The following ZNF292 variants were observed in gnomAD, a reference collection of about 807,000 sequenced individuals.
ZNF292 encodes the protein zinc finger protein 292.
ZNF292 carries 26 observed loss-of-function variants against 217.9 expected under a neutral mutation model. That is an observed-to-expected ratio of 0.12 (90% CI 0.09 to 0.17). ZNF292 has a LOEUF of 0.17. Among genes scored for constraint, ZNF292 ranks in the 10% least tolerant of loss-of-function variants. ZNF292 has a pLI of 1.00. For synonymous variants in ZNF292, 1,257 were observed against 1,124.1 expected (o/e 1.12, Z -2.37); for missense variants, 2,904 against 3,175.2 (o/e 0.91, Z 2.05).
intron 1 of ZNF292, among the ~76,000 whole-genome samples, chr6:87,194,363 GAAAA>G (rs531134379): frequency 0.031 from 4,722 of 151,526 alleles, 256 homozygotes; most frequent in African/African-American, 0.11. Context: ...TGTAAAATTA[GAAAA>G]AAAAGTTCAA....
chr6:87,209,933 A>G (rs1445230063), intron 1 of ZNF292, among the ~76,000 whole-genome samples: 3 of 152,334 alleles, frequency 2.0e-5, no homozygotes, highest in East Asian at 3.9e-4. Flanking sequence ...CTAGATGTAA[A>G]TTGGAAGTGG....
intron 5 of ZNF292, 133 bp from the exon 6 acceptor site, chr6:87,243,342 C>A: frequency 2.5e-5 from 13 of 527,692 alleles, no homozygotes; most frequent in African/African-American, 6.2e-5. Context: ...TTATAACTGA[C>A]TTGATAGTGT....
rs1772733919 is a variant in ZNF292 at position 87,215,974 on chromosome 6, G to C, written c.240G>C (p.Val80=). The C allele has an allele frequency of 1.3e-6, 2 of 1,592,922 alleles. No individual in the cohort carries two copies. The highest frequency in any genetic ancestry group is 1.7e-6 in the Non-Finnish European group (2 of 1,174,344). The change falls in exon 2 of 8, where the codon GTG becomes GTC. Residue 80 remains valine, a synonymous_variant. Transcript: ENST00000369577. ...DPLPLLEVYT[V]AIQSYVKARP... ...TACCTTTATTGGAGGTATACACAGT[G>C]GCTATCCAAAGTTATGTTAAAGCCC...
intron 4 of ZNF292, among the ~76,000 whole-genome samples, chr6:87,222,347 A>G (rs1773125173): frequency 6.6e-6 from 1 of 152,086 alleles, no homozygotes; most frequent in African/African-American, 2.4e-5. Context: ...TGTTTTATCA[A>G]ATATACCTAT....
At chr6:87,155,939 C>G (rs1311049794) in intron 1 of ZNF292, among the ~76,000 whole-genome samples, 180 bp downstream of exon 1, 1 of 152,200 alleles carries the variant, frequency 6.6e-6, no homozygotes, top group Non-Finnish European at 1.5e-5. Context: ...CGGTTGTTGT[C>G]GTCTGCAGCT....
Position 87,264,830 on chromosome 6 carries a change from TAGAA to T in ZNF292, c.*3033_*3036del, listed in dbSNP as rs1387887559. Among the ~76,000 whole-genome samples the T allele has an allele frequency of 2.6e-5, 4 of 152,332 alleles. No homozygotes were observed. Among genetic ancestry groups the T allele is most frequent in the Admixed American group, 6.5e-5 (1 of 15,298 alleles). On this transcript the variant is annotated 3_prime_UTR_variant, in exon 8 of 8. Coordinates refer to ENST00000369577, the MANE Select transcript of ZNF292 (RefSeq NM_015021.3). The stretch of plus-strand genomic sequence containing the variant: ...TGAACAATTTAATCAGTATCAGTTT[TAGAA>T]AGATAATTGTCATGGTATAGTGGAT...
rs371398641 is a variant in ZNF292, at chr6:87,257,703, T to G, written c.4074T>G (p.Pro1358=). 3.1e-6 allele frequency: 5 copies of G among 1,613,110 alleles called. No individual in the cohort carries two copies. The highest frequency in any genetic ancestry group is 4.2e-6 in the Non-Finnish European group (5 of 1,179,498). Residue 1358 remains proline, a synonymous_variant, in exon 8 of 8, where the codon CCT becomes CCG. Transcript: ENST00000369577. ...GRGPNGKERK[P]KHNKRAKWPA... is the part of the protein sequence containing the mutation. ...GCCCAAATGGGAAGGAAAGAAAACC[T>G]AAGCACAACAAAAGGGCTAAATGGC... is the stretch of plus-strand genomic sequence containing the variant.
chr6:87,248,525 T>A (rs1271536701), intron 7 of ZNF292, among the ~76,000 whole-genome samples: 1 of 152,166 alleles, frequency 6.6e-6, no homozygotes, highest in African/African-American at 2.4e-5. Flanking sequence ...AGAGGATCAC[T>A]TGAGCCCCAG....
At chr6:87,195,719 T>C (rs1483658135) in intron 1 of ZNF292, among the ~76,000 whole-genome samples, 2 of 151,924 alleles carry the variant, frequency 1.3e-5, no homozygotes, top group African/African-American at 4.8e-5. Flanking sequence ...ATCTAAAAAT[T>C]TGAAACATTA....
At chr6:87,202,018 C>T (rs1324363852) in intron 1 of ZNF292, among the ~76,000 whole-genome samples, 1 of 152,164 alleles carries the variant, frequency 6.6e-6, no homozygotes, top group African/African-American at 2.4e-5. Context: ...AGATAATCTT[C>T]CAAATTCAAA....
At chr6:87,243,055 C>G (rs1774382736) in intron 5 of ZNF292, among the ~76,000 whole-genome samples, 1 of 151,632 alleles carries the variant, frequency 6.6e-6, no homozygotes, top group East Asian at 1.9e-4. Context: ...CTCTGTGTGT[C>G]TCTGTTGATT....
chr6:87,257,540 A>G lies in ZNF292; in HGVS notation c.3911A>G (p.Asn1304Ser), dbSNP rs748925575. ...TNHYSSQIEG[N>S]TNSSFLKGGN... ...CATTATTCCTCACAGATTGAAGGAA[A>G]CACTAATTCCTCCTTTCTAAAGGGG... The change falls in exon 8 of 8, where the codon AAC becomes AGC. Residue 1304 changes from asparagine to serine, a missense_variant. Coordinates refer to ENST00000369577, the MANE Select transcript of ZNF292 (RefSeq NM_015021.3). The G allele has an allele frequency of 4.4e-6, 7 of 1,607,982 alleles. No homozygotes were observed. In the Admixed American group the frequency reaches 5.1e-5, roughly 12 times the overall value.
intron 1 of ZNF292, among the ~76,000 whole-genome samples, chr6:87,165,394 C>A (rs1770880861): frequency 6.6e-6 from 1 of 152,124 alleles, no homozygotes. Context: ...ATGGTAAACA[C>A]TTCTGGTCCC....
rs1325728829 is a variant in ZNF292, at chr6:87,259,421, C to G, written c.5792C>G (p.Pro1931Arg). The G allele has an allele frequency of 6.2e-7, 1 of 1,600,216 alleles. No homozygotes were observed. The highest frequency in any genetic ancestry group is 8.5e-7 in the Non-Finnish European group (1 of 1,172,506). Residue 1931 changes from proline (P) to arginine (R), a missense_variant, in exon 8 of 8, where the codon CCA (proline) becomes CGA (arginine). Physicochemically the swap from Pro to Arg is moderately radical, Grantham distance 103 (BLOSUM62 -2). This residue lies in a region of ZNF292 where 50 missense variants were observed against 90.5 expected (regional missense o/e 0.55). Coordinates refer to ENST00000369577, the MANE Select transcript of ZNF292 (RefSeq NM_015021.3). ...TATGGTAAAATTCATCAATACACTC[C>G]AGAAATGATTCTTGAAATTAAGAAG... ...KHYGKIHQYT[P>R]EMILEIKKNQ... is the part of the protein sequence containing the mutation.
At chr6:87,192,301 G>C (rs575801235) in intron 1 of ZNF292, among the ~76,000 whole-genome samples, 1 of 151,812 alleles carries the variant, frequency 6.6e-6, no homozygotes, top group South Asian at 2.1e-4. Flanking sequence ...TAGAGCTACT[G>C]GAACAATTCT....
At chr6:87,236,419 A>G (rs1342569638) in intron 5 of ZNF292, among the ~76,000 whole-genome samples, 2 of 151,892 alleles carry the variant, frequency 1.3e-5, no homozygotes, top group African/African-American at 2.4e-5. Context: ...AAAGAAAAGA[A>G]ATAGCAGCTA....
chr6:87,229,329 C>T (rs1277093389), intron 4 of ZNF292, among the ~76,000 whole-genome samples: 1 of 152,142 alleles, frequency 6.6e-6, no homozygotes, highest in Non-Finnish European at 1.5e-5. Flanking sequence ...TTAGGGCTTT[C>T]TACATACAAG....
chr6:87,178,366 C>A (rs1771368127), intron 1 of ZNF292, among the ~76,000 whole-genome samples: 1 of 152,090 alleles, frequency 6.6e-6, no homozygotes, highest in Non-Finnish European at 1.5e-5. Flanking sequence ...GAATTTTGTG[C>A]CTTTAAGAAG....
rs1403288420 is a variant in ZNF292, at chr6:87,263,216, G to A, written c.*1415G>A. 9 of 152,054 alleles carry A rather than the reference G, an allele frequency of 5.9e-5. No homozygotes were observed. The highest frequency in any genetic ancestry group is 8.8e-5 in the Non-Finnish European group (6 of 67,934). The allele number at this position is 152,054 out of a possible 1,614,324, so 9.4% of individuals were successfully genotyped here. ...GGAGAGTTGATGACCTTCATTTAAA[G>A]TCCAACTAAAATCAGTAGTAGAAAC... On this transcript the variant is annotated 3_prime_UTR_variant, in exon 8 of 8. Transcript: ENST00000369577.
Sources: allele counts gnomAD v4.1 joint callset (sites outside exome capture counted in the v4.1 genomes callset), GRCh38; gene constraint gnomAD v4.1.1; regional missense constraint gnomAD v4.1.1; transcripts MANE v1.5; gene names NCBI Gene and HGNC (gene_info 2026-07-23, HGNC 2026-07-21).